Variants in CFAP299 observed in about 807,000 individuals in gnomAD.
CFAP299 encodes the protein cilia and flagella associated protein 299.
Under a neutral mutation model 27.0 loss-of-function variants are expected in CFAP299, and 21 were observed. The ratio of observed to expected loss-of-function variants is 0.78; its 90% CI spans 0.55 to 1.12. The LOEUF is 1.12. Among genes scored for constraint, CFAP299 ranks in the 50% most tolerant of loss-of-function variants. CFAP299 has a pLI of 0.00. For synonymous variants in CFAP299, 104 were observed against 98.1 expected, an observed-to-expected ratio of 1.06 and a Z score of -0.36; for missense variants, 310 against 276.6, an observed-to-expected ratio of 1.12 and a Z score of -0.86.
chr4:80,943,788 G>T (rs1737320238), intron 4 of CFAP299, among the ~76,000 whole-genome samples: 1 of 152,068 alleles, frequency 6.6e-6, no homozygotes, highest in South Asian at 2.1e-4. Flanking sequence ...AATAAAATGG[G>T]CTGGGCATAG....
intron 4 of CFAP299, chr4:80,872,921 C>A (rs78532697): frequency 1.5e-6 from 1 of 661,232 alleles, no homozygotes; most frequent in Non-Finnish European, 1.8e-6. Context: ...AGTTCTTCTT[C>A]TTTTTTTTTT....
intron 3 of CFAP299, among the ~76,000 whole-genome samples, chr4:80,855,748 A>G (rs1360403606): frequency 3.9e-5 from 6 of 152,146 alleles, no homozygotes; most frequent in Non-Finnish European, 8.8e-5. Flanking sequence ...ATCATTTTTT[A>G]TGGCTGCATA....
chr4:80,420,065 C>G, intron 2 of CFAP299: 1 of 366,066 alleles, frequency 2.7e-6, no homozygotes, highest in South Asian at 2.1e-5. Flanking sequence ...CTGATCATAG[C>G]CAAGCAGGTT....
intron 4 of CFAP299, chr4:80,872,897 ATC>A (rs907616276): frequency 2.1e-6 from 2 of 960,932 alleles, no homozygotes; most frequent in African/African-American, 3.6e-5. Flanking sequence ...TCAAAATATC[ATC>A]TCTCTGTGTG....
chr4:80,643,367 A>G (rs1025194181), intron 3 of CFAP299, among the ~76,000 whole-genome samples: 1 of 152,158 alleles, frequency 6.6e-6, no homozygotes, highest in African/African-American at 2.4e-5. Context: ...AAAGAGAAGA[A>G]GGAATGAATA....
intron 2 of CFAP299, among the ~76,000 whole-genome samples, chr4:80,515,519 C>T (rs1419288268): frequency 6.6e-6 from 1 of 152,118 alleles, no homozygotes; most frequent in Non-Finnish European, 1.5e-5. Flanking sequence ...TTCTATATTG[C>T]TTTTTCTGTT....
intron 3 of CFAP299, among the ~76,000 whole-genome samples, chr4:80,687,206 C>G (rs551425973): frequency 3.3e-4 from 51 of 152,284 alleles, no homozygotes; most frequent in African/African-American, 1.2e-3. Context: ...TTCAACTTCC[C>G]TGGAATGTGC....
intron 2 of CFAP299, chr4:80,387,904 G>C: frequency 3.3e-6 from 3 of 907,100 alleles, no homozygotes. Flanking sequence ...GGTGCCCCCG[G>C]TGGCACTGGT....
At chr4:80,703,480 A>G (rs1223652651) in intron 3 of CFAP299, among the ~76,000 whole-genome samples, 1 of 151,682 alleles carries the variant, frequency 6.6e-6, no homozygotes, top group Non-Finnish European at 1.5e-5. Context: ...AACAAGAGAC[A>G]AGATGGAGCC....
At chr4:80,845,755 T>C (rs566385202) in intron 3 of CFAP299, among the ~76,000 whole-genome samples, 101 of 152,292 alleles carry the variant, frequency 6.6e-4, no homozygotes, top group African/African-American at 2.4e-3. Flanking sequence ...CTGCCTATAA[T>C]GTTGGTTTTG....
intron 1 of CFAP299, among the ~76,000 whole-genome samples, chr4:80,347,368 G>A (rs1343997870): frequency 1.3e-5 from 2 of 151,966 alleles, no homozygotes; most frequent in Non-Finnish European, 2.9e-5. Flanking sequence ...TAAAGGGAAT[G>A]CTTCCAGTAT....
At chr4:80,651,825 A>G (rs1008323296) in intron 3 of CFAP299, among the ~76,000 whole-genome samples, 13 of 151,126 alleles carry the variant, frequency 8.6e-5, no homozygotes, top group African/African-American at 3.2e-4. Flanking sequence ...TTGACCATAT[A>G]TCATTCTAAT....
At chr4:80,442,297 T>C (rs1377423431) in intron 2 of CFAP299, among the ~76,000 whole-genome samples, 1 of 152,146 alleles carries the variant, frequency 6.6e-6, no homozygotes, top group Non-Finnish European at 1.5e-5. Flanking sequence ...ATTGACCACA[T>C]AATTAGAAGT....
At chr4:80,908,642 T>C (rs1031727821) in intron 4 of CFAP299, among the ~76,000 whole-genome samples, 1 of 152,214 alleles carries the variant, frequency 6.6e-6, no homozygotes, top group Non-Finnish European at 1.5e-5. Flanking sequence ...CAAAATGTTC[T>C]TTAGACATAA....
intron 3 of CFAP299, among the ~76,000 whole-genome samples, chr4:80,663,061 A>T (rs1740946868): frequency 2.0e-5 from 3 of 151,322 alleles, no homozygotes; most frequent in Admixed American, 6.6e-5. Context: ...TTATTTTACG[A>T]TTTATTTTTA....
rs1209363880 is a variant in CFAP299, at chr4:80,791,855, C to CAT, written c.334-78129_334-78128dup. On this transcript the variant is annotated intron_variant, in intron 3 of 5. Coordinates refer to ENST00000358105, the MANE Select transcript of CFAP299 (RefSeq NM_152770.3). Reference sequence around the variant, plus strand: ...ATATTGACAGATATATATATATATACATATATATATCTGTATGTTTGAAAT... The same window carrying CAT: ...ATATTGACAGATATATATATATATACATATATATATATCTGTATGTTTGAAAT... Among the ~76,000 whole-genome samples, 357 of 149,962 alleles carry CAT rather than the reference C, an allele frequency of 2.4e-3. 2 individuals are homozygous for CAT. The highest frequency in any genetic ancestry group is 8.4e-3 in the African/African-American group (339 of 40,204).
chr4:80,670,706 T>C (rs916049497), intron 3 of CFAP299, among the ~76,000 whole-genome samples: 4 of 152,192 alleles, frequency 2.6e-5, no homozygotes, highest in Admixed American at 2.6e-4. Flanking sequence ...TGGTATCTCA[T>C]TGTGGTTTTG....
chr4:80,873,076 T>C, intron 4 of CFAP299: 4 of 882,688 alleles, frequency 4.5e-6, no homozygotes, highest in Non-Finnish European at 4.1e-6. Flanking sequence ...TCTTATAGGA[T>C]ATTATAGTTT....
chr4:80,956,003 CA>C (rs1738045783), intron 5 of CFAP299, among the ~76,000 whole-genome samples: 1 of 151,846 alleles, frequency 6.6e-6, no homozygotes, highest in African/African-American at 2.4e-5. Flanking sequence ...GACTTCATCT[CA>C]AAAAAAGAAT....
Sources: gnomAD v4.1 joint callset for allele counts (sites outside exome capture counted in the v4.1 genomes callset) on GRCh38, gnomAD v4.1.1 for gene constraint, MANE v1.5 for transcripts, NCBI Gene and HGNC (gene_info 2026-07-23, HGNC 2026-07-21) for gene names.